GPHN: variants seen among roughly 807,000 people sequenced by gnomAD.
The protein encoded by GPHN is gephyrin.
A neutral mutation model predicts 95.5 loss-of-function variants in GPHN; 17 were observed. That is an observed-to-expected ratio of 0.18 (90% CI 0.12 to 0.27). The LOEUF is 0.27. Ranked by LOEUF, GPHN falls within the 10% of genes least tolerant of loss-of-function variation. The pLI is 1.00. For missense variants in GPHN, 660 were observed against 978.1 expected, an observed-to-expected ratio of 0.67 and a Z score of 4.34; for synonymous variants, 320 against 322.5, an observed-to-expected ratio of 0.99 and a Z score of 0.08.
chr14:66,694,118 G>T (rs1447615004), intron 2 of GPHN, among the ~76,000 whole-genome samples: 1 of 152,100 alleles, frequency 6.6e-6, no homozygotes, highest in African/African-American at 2.4e-5. Flanking sequence ...CCCCCGATGT[G>T]AGGGCGTTTG....
the GPHN span, chr14:67,302,682 C>G: frequency 1.2e-6 from 1 of 832,070 alleles, no homozygotes. Flanking sequence ...GATTTCTAGC[C>G]TGATTTTTCC....
At chr14:67,586,779 TTTC>T in the GPHN span, 1 of 1,359,590 alleles carries the variant, frequency 7.4e-7, no homozygotes, top group South Asian at 1.3e-5. Flanking sequence ...TCCAGATCCC[TTTC>T]TTAAGAAGGC....
chr14:67,005,275 T>C (rs2072520770), intron 9 of GPHN, among the ~76,000 whole-genome samples: 1 of 151,864 alleles, frequency 6.6e-6, no homozygotes, highest in Admixed American at 6.6e-5. Context: ...ATATTTACAG[T>C]CGTAAATCCT....
the GPHN span, chr14:67,488,691 C>T: frequency 6.6e-6 from 1 of 152,476 alleles, no homozygotes; most frequent in Admixed American, 6.5e-5. Context: ...ACCCTAGGCC[C>T]TCAGCCACAT....
the GPHN span, among the ~76,000 whole-genome samples, chr14:67,275,493 T>C: frequency 6.6e-6 from 1 of 152,182 alleles, no homozygotes; most frequent in Non-Finnish European, 1.5e-5. Flanking sequence ...GTGCATAAGC[T>C]TTTCGATGTG....
Position 66,799,320 on chromosome 14 carries a change from C to T in GPHN, c.201+22799C>T, listed in dbSNP as rs972321372. On this transcript the variant is annotated intron_variant, in intron 3 of 22. Transcript: ENST00000478722. ...ATTGTGTGAAATGATGTGTAAATAT[C>T]TATTAGATCTATTTGGTCTATACTG... Among the ~76,000 whole-genome samples, 4 of 151,896 alleles carry T rather than the reference C, an allele frequency of 2.6e-5. No homozygotes were observed. The East Asian group carries it at 7.7e-4, about 29-fold the overall frequency.
At chr14:66,905,135 C>A (rs757193555) in intron 5 of GPHN, among the ~76,000 whole-genome samples, 1 of 151,580 alleles carries the variant, frequency 6.6e-6, no homozygotes, top group Non-Finnish European at 1.5e-5. Flanking sequence ...TTGCTTTTTT[C>A]TTCTCTGTGT....
At chr14:67,068,065 T>C (rs946237713) in intron 11 of GPHN, among the ~76,000 whole-genome samples, 2 of 152,228 alleles carry the variant, frequency 1.3e-5, no homozygotes, top group African/African-American at 4.8e-5. Context: ...AGAATGGAGC[T>C]GTTCCTATTC....
chr14:67,562,118 G>GT, the GPHN span: 1 of 1,611,336 alleles, frequency 6.2e-7, no homozygotes. Context: ...CAATGTGACT[G>GT]TTTTTACCCG....
At chr14:67,656,706 CT>C in the GPHN span, 1 of 1,160,222 alleles carries the variant, frequency 8.6e-7, no homozygotes, top group Non-Finnish European at 1.2e-6. Flanking sequence ...ATTTTCATTC[CT>C]TTTAAGACAG....
chr14:66,529,488 G>A (rs1039751920), intron 1 of GPHN, among the ~76,000 whole-genome samples: 4 of 151,980 alleles, frequency 2.6e-5, no homozygotes, highest in Non-Finnish European at 2.9e-5. Context: ...CTCATTATCC[G>A]TCCAGTTTTG....
At chr14:66,807,511 C>T (rs2060592367) in intron 3 of GPHN, among the ~76,000 whole-genome samples, 1 of 152,174 alleles carries the variant, frequency 6.6e-6, no homozygotes, top group Non-Finnish European at 1.5e-5. Context: ...AAGCATCATT[C>T]AGTAGATCAT....
At chr14:67,393,239 C>A in the GPHN span, 1 of 1,611,168 alleles carries the variant, frequency 6.2e-7, no homozygotes, top group East Asian at 2.2e-5. Context: ...GTCCACAATG[C>A]GACTACATGG....
At position 67,113,168 on chromosome 14, in the gene GPHN, T is replaced by G; in HGVS notation, c.1623T>G (p.Asn541Lys). ...FPVVAVMSTG[N>K]ELLNPEDDLL... ...TGGTTGCAGTCATGTCAACAGGGAA[T>G]GAGGTATTAAAAATAAAAATGGAGG... The change falls in exon 16 of 23, where the codon AAT (asparagine) becomes AAG (lysine). Residue 541 changes from asparagine to lysine, a missense_variant. Coordinates refer to ENST00000478722, the MANE Select transcript of GPHN (RefSeq NM_020806.5). The G allele has an allele frequency of 6.2e-7, 1 of 1,613,286 alleles. No individual in the cohort carries two copies. The highest frequency in any genetic ancestry group is 8.5e-7 in the Non-Finnish European group (1 of 1,179,312).
At chr14:66,774,009 T>G (rs938201852) in intron 2 of GPHN, among the ~76,000 whole-genome samples, 6 of 140,018 alleles carry the variant, frequency 4.3e-5, no homozygotes, top group African/African-American at 8.1e-5. Flanking sequence ...TTTTTTTTTT[T>G]TTTTTTTTTT....
At chr14:66,656,459 G>C (rs1469990391) in intron 1 of GPHN, among the ~76,000 whole-genome samples, 1 of 152,082 alleles carries the variant, frequency 6.6e-6, no homozygotes, top group Admixed American at 6.5e-5. Context: ...TTTCTTTCGT[G>C]ATGTGGGAAT....
At chr14:67,496,391 G>GT in the GPHN span, among the ~76,000 whole-genome samples, 373 of 30,064 alleles carry the variant, frequency 0.012, 133 homozygotes, top group Non-Finnish European at 0.017. Context: ...CTGCTCCGGC[G>GT]TTTTTTTTTT....
intron 3 of GPHN, among the ~76,000 whole-genome samples, chr14:66,780,802 A>G (rs995340858): frequency 2.0e-5 from 3 of 152,164 alleles, no homozygotes; most frequent in African/African-American, 4.8e-5. Flanking sequence ...ATCAGTTACA[A>G]TCGTTTTTGT....
chr14:67,579,416 CAGA>C, the GPHN span: 11 of 929,052 alleles, frequency 1.2e-5, no homozygotes, highest in Admixed American at 2.3e-4. Context: ...ACTGTTGCCC[CAGA>C]AGTAGATATT....
Sources: allele counts gnomAD v4.1 joint callset (sites outside exome capture counted in the v4.1 genomes callset), GRCh38; gene constraint gnomAD v4.1.1; transcripts MANE v1.5; gene names NCBI Gene and HGNC (gene_info 2026-07-23, HGNC 2026-07-21).